Variants in ZC2HC1A observed in about 807,000 individuals in gnomAD.
ZC2HC1A encodes the protein zinc finger C2HC domain-containing protein 1A.
ZC2HC1A carries 28 observed loss-of-function variants against 40.7 expected under a neutral mutation model. That is an observed-to-expected ratio of 0.69 (90% confidence interval 0.51 to 0.94). The LOEUF is 0.94. ZC2HC1A is among the 40% of genes least tolerant of loss of function. ZC2HC1A has a pLI of 0.00. For missense variants in ZC2HC1A, 389 were observed against 386.3 expected (o/e 1.01, Z -0.06); for synonymous variants, 129 against 129.2 (o/e 1.00, Z 0.01).
chr8:78,666,440 C>G (rs879365428), intron 1 of ZC2HC1A, among the ~76,000 whole-genome samples: 2 of 152,230 alleles, frequency 1.3e-5, no homozygotes, highest in Admixed American at 1.3e-4. Context: ...ACGTCTCTTC[C>G]TACCATTTTC....
intron 3 of ZC2HC1A, among the ~76,000 whole-genome samples, chr8:78,680,489 C>T (rs920100976): frequency 3.9e-5 from 6 of 152,014 alleles, no homozygotes; most frequent in African/African-American, 1.2e-4. Context: ...TTGGGTGAGT[C>T]GTATGCACAT....
rs1205608887 is a variant in ZC2HC1A, at chr8:78,674,307, A to G, written c.17-1480A>G. ...AAATACACTTTTAAGCAAGTATAAT[A>G]TGTGGTGCTTTTTAATATTTTGTAT... is the stretch of plus-strand genomic sequence containing the variant. On this transcript the variant is annotated intron_variant, in intron 1 of 8. Transcript: ENST00000263849. 3.3e-5 allele frequency among the ~76,000 whole-genome samples: 5 copies of G among 152,314 alleles called. No homozygotes were observed. The East Asian group carries it at 9.6e-4, about 29-fold the overall frequency.
chr8:78,683,907 C>T (rs1341757159), intron 3 of ZC2HC1A, among the ~76,000 whole-genome samples: 2 of 152,212 alleles, frequency 1.3e-5, no homozygotes, highest in Non-Finnish European at 2.9e-5. Context: ...TGCTACCAGT[C>T]TCTTTGCTAA....
At chr8:78,688,459 CA>C (rs1810097918) in intron 4 of ZC2HC1A, among the ~76,000 whole-genome samples, 1 of 152,032 alleles carries the variant, frequency 6.6e-6, no homozygotes, top group African/African-American at 2.4e-5. Flanking sequence ...AACTCTGTAT[CA>C]AAAAAGTAAA....
At chr8:78,686,996 T>C (rs935908468) in intron 4 of ZC2HC1A, among the ~76,000 whole-genome samples, 2 of 152,110 alleles carry the variant, frequency 1.3e-5, no homozygotes, top group African/African-American at 2.4e-5. Flanking sequence ...TCATCTGAGA[T>C]TGATATAAAA....
At chr8:78,714,147 A>G (rs1273370364) in intron 7 of ZC2HC1A, among the ~76,000 whole-genome samples, 18 of 152,148 alleles carry the variant, frequency 1.2e-4, no homozygotes, top group Admixed American at 1.2e-3. Flanking sequence ...TTAAAGCTCT[A>G]TAGAGAGGGA....
chr8:78,705,643 C>T (rs142646105), intron 7 of ZC2HC1A, among the ~76,000 whole-genome samples: 9 of 152,176 alleles, frequency 5.9e-5, no homozygotes, highest in Non-Finnish European at 1.0e-4. Context: ...ACCTCTGGGT[C>T]GGCATGGGCT....
At chr8:78,671,255 T>C (rs1809431128) in intron 1 of ZC2HC1A, among the ~76,000 whole-genome samples, 2 of 152,242 alleles carry the variant, frequency 1.3e-5, no homozygotes, top group Admixed American at 1.3e-4. Flanking sequence ...GGTTTTGAAG[T>C]TGCAAAACAT....
Position 78,687,919 on chromosome 8 carries a change from AAT to A in ZC2HC1A, c.353-1302_353-1301del, listed in dbSNP as rs1383864277. ...ATTATATATATTTATATAAATATAT[AAT>A]TATTTATATCTATATTTTTATATAT... On this transcript the variant is annotated intron_variant, in intron 4 of 8. Transcript: ENST00000263849. Among the ~76,000 whole-genome samples, 22 of 141,070 alleles carry A rather than the reference AAT, an allele frequency of 1.6e-4. 1 individual carries two copies. The highest frequency in any genetic ancestry group is 1.4e-4 in the Non-Finnish European group (9 of 65,522). 92.5% of individuals were successfully genotyped at this position (141,070 alleles called of 152,430 possible).
intron 3 of ZC2HC1A, among the ~76,000 whole-genome samples, chr8:78,685,434 A>G (rs565209740): frequency 6.6e-6 from 1 of 152,338 alleles, no homozygotes; most frequent in African/African-American, 2.4e-5. Flanking sequence ...TCCAGAGGCC[A>G]TAAAAGATCA....
At position 78,670,063 on chromosome 8, in the gene ZC2HC1A, G is replaced by A. The variant is rs139513202; in HGVS notation, c.16+3899G>A. Among the ~76,000 whole-genome samples, 1,353 of 151,330 alleles carry A rather than the reference G, an allele frequency of 8.9e-3. 26 individuals are homozygous for A. The highest frequency in any genetic ancestry group is 0.031 in the African/African-American group (1,278 of 41,208). ...GCTCACCACAACCTCCGCCTTCTGGGTTCAAGCGATTCTCCTCCCTCAGCC... is the reference window on the plus strand; with the variant it reads ...GCTCACCACAACCTCCGCCTTCTGGATTCAAGCGATTCTCCTCCCTCAGCC... On this transcript the variant is annotated intron_variant, in intron 1 of 8. Coordinates refer to ENST00000263849, the MANE Select transcript of ZC2HC1A (RefSeq NM_016010.3).
chr8:78,686,139 T>A (rs529689205), intron 3 of ZC2HC1A, among the ~76,000 whole-genome samples: 173 of 152,338 alleles, frequency 1.1e-3, no homozygotes, highest in Non-Finnish European at 2.1e-3. Flanking sequence ...ACTACTGTTA[T>A]AATGGCAATT....
intron 1 of ZC2HC1A, 66 bp downstream of exon 1, chr8:78,666,230 C>A: frequency 6.4e-7 from 1 of 1,551,944 alleles, no homozygotes; most frequent in Non-Finnish European, 8.7e-7. Context: ...GGACCCTGGA[C>A]ACCAGTAGCA....
At chr8:78,706,466 G>C (rs1471402321) in intron 7 of ZC2HC1A, among the ~76,000 whole-genome samples, 2 of 152,132 alleles carry the variant, frequency 1.3e-5, no homozygotes, top group Admixed American at 1.3e-4. Context: ...CTTCACAAGG[G>C]CGTCTCTTGA....
chr8:78,681,885 T>G (rs1330294413), intron 3 of ZC2HC1A, among the ~76,000 whole-genome samples: 1 of 145,404 alleles, frequency 6.9e-6, no homozygotes, highest in Non-Finnish European at 1.5e-5. Flanking sequence ...TGAGTTCTCT[T>G]TTTTCCTTTT....
At chr8:78,670,813 G>C (rs947740398) in intron 1 of ZC2HC1A, among the ~76,000 whole-genome samples, 4 of 152,146 alleles carry the variant, frequency 2.6e-5, no homozygotes, top group Non-Finnish European at 4.4e-5. Context: ...AAAATGCTGT[G>C]AAGGATGAAG....
At chr8:78,697,944 C>G (rs1376733802) in intron 6 of ZC2HC1A, among the ~76,000 whole-genome samples, 1 of 152,108 alleles carries the variant, frequency 6.6e-6, no homozygotes, top group Non-Finnish European at 1.5e-5. Flanking sequence ...TCCTAAAGTG[C>G]TGAGATTACT....
At chr8:78,694,131 C>T (rs1810317371) in intron 5 of ZC2HC1A, among the ~76,000 whole-genome samples, 2 of 151,904 alleles carry the variant, frequency 1.3e-5, no homozygotes, top group African/African-American at 4.8e-5. Context: ...AGTTGGCTGG[C>T]TATTTTTCTA....
intron 3 of ZC2HC1A, among the ~76,000 whole-genome samples, chr8:78,680,482 G>A (rs1333696357): frequency 2.0e-5 from 3 of 152,134 alleles, no homozygotes; most frequent in Admixed American, 1.3e-4. Context: ...AACATCCTTG[G>A]GTGAGTCGTA....
Sources: allele counts gnomAD v4.1 joint callset (sites outside exome capture counted in the v4.1 genomes callset), GRCh38; gene constraint gnomAD v4.1.1; transcripts MANE v1.5; gene names NCBI Gene and HGNC (gene_info 2026-07-23, HGNC 2026-07-21).